The following RNFT2 variants were observed in gnomAD, a reference collection of about 807,000 sequenced individuals.
RNFT2 encodes the protein ring finger protein, transmembrane 2, also known as E3 ubiquitin-protein ligase RNFT2.
In RNFT2, 36 loss-of-function variants were observed where a neutral mutation model predicts 53.0. That is an observed-to-expected ratio of 0.68 (90% CI 0.52 to 0.90). The LOEUF (loss-of-function observed/expected upper bound fraction) is 0.90, where lower values mean the gene tolerates loss of function less well. Ranked by LOEUF, RNFT2 falls within the 40% of genes least tolerant of loss-of-function variation. The probability of loss-of-function intolerance (pLI) is 0.00; values close to 1 mark genes in which losing one functional copy is unlikely to be tolerated. For missense variants in RNFT2, 514 were observed against 585.6 expected, an observed-to-expected ratio of 0.88 and a Z score of 1.26; for synonymous variants, 260 against 253.2, an observed-to-expected ratio of 1.03 and a Z score of -0.26.
chr12:116,764,047 G>A (rs753564245), intron 5 of RNFT2, among the ~76,000 whole-genome samples: 18 of 152,144 alleles, frequency 1.2e-4, no homozygotes, highest in Non-Finnish European at 1.9e-4. Flanking sequence ...AATGGAATTC[G>A]CAGCAACCTG....
chr12:116,840,007 G>A (rs1877173160), intron 10 of RNFT2, among the ~76,000 whole-genome samples: 1 of 152,194 alleles, frequency 6.6e-6, no homozygotes. Flanking sequence ...TTTATGGTGT[G>A]CCCTCTGACA....
intron 7 of RNFT2, among the ~76,000 whole-genome samples, chr12:116,780,131 C>G (rs1481724400): frequency 6.6e-6 from 1 of 152,176 alleles, no homozygotes; most frequent in Non-Finnish European, 1.5e-5. Context: ...AAGTGACCAT[C>G]GATCTTGAGT....
intron 7 of RNFT2, among the ~76,000 whole-genome samples, chr12:116,821,975 C>T (rs1385798373): frequency 6.6e-6 from 1 of 152,018 alleles, no homozygotes; most frequent in East Asian, 1.9e-4. Flanking sequence ...GCTGAGATTA[C>T]AGGTGTGCAC....
chr12:116,833,688 C>A, intron 7 of RNFT2, 104 bp from the exon 8 acceptor site: 2 of 1,164,476 alleles, frequency 1.7e-6, no homozygotes, highest in South Asian at 1.3e-5. Context: ...TAATGGCCTG[C>A]CTGTGACCTA....
chr12:116,766,967 C>A, intron 6 of RNFT2, 53 bp downstream of exon 6: 2 of 1,306,638 alleles, frequency 1.5e-6, no homozygotes, highest in Non-Finnish European at 2.2e-6. Context: ...CTTGGCTGGG[C>A]TTGGGGCACG....
At chr12:116,755,753 T>C (rs1592940540) in intron 5 of RNFT2, 1 of 1,477,500 alleles carries the variant, frequency 6.8e-7, no homozygotes, top group East Asian at 2.3e-5. Context: ...TCCCTTGATG[T>C]CTACGATATC....
chr12:116,770,294 A>G lies in RNFT2; in HGVS notation c.728+3380A>G, dbSNP rs111534257. 2.3e-3 allele frequency among the ~76,000 whole-genome samples: 350 copies of G among 152,298 alleles called. 2 individuals carry two copies. The highest frequency in any genetic ancestry group is 8.2e-3 in the African/African-American group (339 of 41,558). ...CCATTGTGTTATAATTGTCTATAGT[A>G]TTCAGTACAGTAACAAGCTATGTAG... On this transcript the variant is annotated intron_variant, in intron 6 of 10. Transcript: ENST00000257575.
Position 116,779,261 on chromosome 12 carries a change from C to T in RNFT2, c.795C>T (p.Ile265=), listed in dbSNP as rs779374430. ...DFFDLLWIVG[I]ADFVLKYITI... Reference sequence around the variant, plus strand: ...TTGACCTGCTATGGATTGTGGGGATCGCAGACTTTGTTCTGAAGTACATCA... The same window carrying T: ...TTGACCTGCTATGGATTGTGGGGATTGCAGACTTTGTTCTGAAGTACATCA... The change falls in exon 7 of 11, where the codon ATC becomes ATT. Residue 265 remains isoleucine (I), a synonymous_variant. Transcript: ENST00000257575. 2.5e-6 allele frequency: 4 copies of T among 1,613,852 alleles called. No individual in the cohort carries two copies. Among genetic ancestry groups the T allele is most frequent in the East Asian group, 2.2e-5 (1 of 44,888 alleles).
chr12:116,840,594 C>T (rs750412882), intron 10 of RNFT2, among the ~76,000 whole-genome samples: 13 of 152,208 alleles, frequency 8.5e-5, no homozygotes, highest in Non-Finnish European at 1.6e-4. Context: ...GTTCTTGACA[C>T]CTACCTCTGA....
chr12:116,744,311 C>A (rs1871793984), intron 3 of RNFT2, among the ~76,000 whole-genome samples: 1 of 151,876 alleles, frequency 6.6e-6, no homozygotes, highest in Non-Finnish European at 1.5e-5. Context: ...AATAAGCCTG[C>A]CTGTTGGAAC....
intron 10 of RNFT2, among the ~76,000 whole-genome samples, chr12:116,841,814 TATAA>T (rs1877287256): frequency 1.2e-5 from 1 of 80,238 alleles, no homozygotes; most frequent in Admixed American, 1.6e-4. Context: ...TAAATATATA[TATAA>T]AAATATATAT....
intron 3 of RNFT2, among the ~76,000 whole-genome samples, chr12:116,745,445 G>A (rs937324077): frequency 1.3e-5 from 2 of 152,118 alleles, no homozygotes; most frequent in Non-Finnish European, 2.9e-5. Flanking sequence ...GAAGTGCTGG[G>A]ATTACATGTG....
intron 10 of RNFT2, among the ~76,000 whole-genome samples, chr12:116,840,756 GTAGGACT>G (rs1877207908): frequency 6.6e-6 from 1 of 152,196 alleles, no homozygotes; most frequent in Non-Finnish European, 1.5e-5. Context: ...TGGGCAGCTT[GTAGGACT>G]TTTTTAAGAG....
intron 5 of RNFT2, among the ~76,000 whole-genome samples, chr12:116,762,704 G>T (rs993192118): frequency 6.6e-6 from 1 of 151,324 alleles, no homozygotes; most frequent in Admixed American, 6.6e-5. Flanking sequence ...GCACCACCAA[G>T]ATTACCAAGT....
chr12:116,824,459 G>A (rs1470471195), intron 7 of RNFT2, among the ~76,000 whole-genome samples: 3 of 152,098 alleles, frequency 2.0e-5, no homozygotes, highest in Non-Finnish European at 4.4e-5. Context: ...TCATGTAAAG[G>A]CCAAAGATAA....
chr12:116,845,973 G>A (rs1877593913), intron 10 of RNFT2, among the ~76,000 whole-genome samples: 1 of 152,052 alleles, frequency 6.6e-6, no homozygotes, highest in African/African-American at 2.4e-5. Context: ...TTCAGGCTTC[G>A]ACTCAAGTGT....
chr12:116,744,299 G>C (rs1002294432), intron 3 of RNFT2, among the ~76,000 whole-genome samples: 1 of 151,532 alleles, frequency 6.6e-6, no homozygotes, highest in African/African-American at 2.4e-5. Flanking sequence ...CATCCGGCTT[G>C]TAATAAGCCT....
intron 7 of RNFT2, among the ~76,000 whole-genome samples, chr12:116,818,594 T>C (rs891687132): frequency 6.6e-6 from 1 of 152,158 alleles, no homozygotes; most frequent in Non-Finnish European, 1.5e-5. Context: ...TGGACCCTCT[T>C]CAACTGGGTT....
chr12:116,830,373 G>A (rs993545859), intron 7 of RNFT2, among the ~76,000 whole-genome samples: 3 of 151,986 alleles, frequency 2.0e-5, no homozygotes, highest in African/African-American at 4.8e-5. Flanking sequence ...CTGCAGCCTC[G>A]AACTTCTGGG....
Sources: allele counts gnomAD v4.1 joint callset (sites outside exome capture counted in the v4.1 genomes callset), GRCh38; gene constraint gnomAD v4.1.1; transcripts MANE v1.5; gene names NCBI Gene and HGNC (gene_info 2026-07-23, HGNC 2026-07-21).